The following GGA3 variants were observed in gnomAD, a reference collection of about 807,000 sequenced individuals.
GGA3 encodes the protein ADP-ribosylation factor-binding protein GGA3.
GGA3 carries 57 observed loss-of-function variants against 77.5 expected under a neutral mutation model. That is an observed-to-expected ratio of 0.74 (90% CI 0.59 to 0.92). The LOEUF is 0.92. GGA3 is among the 40% of genes least tolerant of loss of function. The probability of loss-of-function intolerance (pLI) is 0.00; values close to 1 mark genes in which losing one functional copy is unlikely to be tolerated. For synonymous variants in GGA3, 416 were observed against 383.7 expected, an observed-to-expected ratio of 1.08 and a Z score of -0.98; for missense variants, 970 against 914.9, an observed-to-expected ratio of 1.06 and a Z score of -0.78.
rs139958143 is a variant in GGA3 at position 75,240,407 on chromosome 17, C to G, written c.1198G>C (p.Ala400Pro). 246 of 1,590,982 alleles carry G rather than the reference C, an allele frequency of 1.5e-4. No individual in the cohort carries two copies. Among genetic ancestry groups the G allele is most frequent in the Admixed American group, 8.9e-5 (5 of 56,310 alleles). Residue 400 changes from alanine to proline, a missense_variant, in exon 12 of 17, where the codon GCC (alanine) becomes CCC (proline). Coordinates refer to ENST00000537686, the MANE Select transcript of GGA3 (RefSeq NM_138619.4). ...LDEELLCLGL[A>P]DPAPNVPPKE... The stretch of plus-strand genomic sequence containing the variant: ...GGAGGAACATTAGGGGCTGGGTCGG[C>G]GAGGCCTGACAATAGAGAAGAAAAC...
At position 75,246,334 on chromosome 17, in the gene GGA3, A is replaced by G. The variant is rs1033625432; in HGVS notation, c.201+175T>C. 2.6e-5 allele frequency among the ~76,000 whole-genome samples: 4 copies of G among 152,212 alleles called. No homozygotes were observed. In the East Asian group the frequency reaches 7.7e-4, roughly 29 times the overall value. On this transcript the variant is annotated intron_variant, in intron 3 of 16. Transcript: ENST00000537686. ...CCTCTGAGGCCTCAGGGCCTGGCAC[A>G]ATGCACACAGATTTGTGGAACAGCT...
chr17:75,240,325 CGATCCTGTGCCCCTACCTGGAGCAG>C lies in GGA3; in HGVS notation c.1255_1263+16del. The C allele has an allele frequency of 6.4e-7, 1 of 1,551,062 alleles. No homozygotes were observed. Among genetic ancestry groups the C allele is most frequent in the Non-Finnish European group, 8.8e-7 (1 of 1,135,344 alleles). ...GTCCTTGGCACAGTAGTGCTGTCAC[CGATCCTGTGCCCCTACCTGGAGCAG>C]GTGCCACTGGCTGTTCCCAGCTGAC... On this transcript the variant is annotated splice_donor_variant and splice_donor_5th_base_variant and coding_sequence_variant and intron_variant, in exon 12 of 17. Transcript: ENST00000537686. LOFTEE classifies it high-confidence loss of function.
intron 1 of GGA3, among the ~76,000 whole-genome samples, chr17:75,255,696 AAGTT>A (rs1227449058): frequency 1.3e-4 from 20 of 152,192 alleles, no homozygotes; most frequent in Non-Finnish European, 1.3e-4. Flanking sequence ...CAAGCCTTAC[AAGTT>A]AGTTCAGGAT....
At chr17:75,249,829 C>T (rs534782923) in intron 1 of GGA3, among the ~76,000 whole-genome samples, 5 of 152,200 alleles carry the variant, frequency 3.3e-5, no homozygotes, top group African/African-American at 7.2e-5. Flanking sequence ...ATTCACCATA[C>T]GTTATCTTCT....
intron 1 of GGA3, among the ~76,000 whole-genome samples, 160 bp from the exon 2 acceptor site, chr17:75,246,956 A>G (rs1220511054): frequency 2.0e-5 from 3 of 152,218 alleles, no homozygotes; most frequent in Admixed American, 2.0e-4. Context: ...GACAGAAAAA[A>G]AAAAAATTCA....
upstream of GGA3, chr17:75,261,874 C>T (rs1176440264): frequency 6.2e-7 from 1 of 1,604,246 alleles, no homozygotes; most frequent in South Asian, 1.1e-5. Flanking sequence ...GAGGGCAGTC[C>T]TTGTGGGGTC....
At position 75,248,801 on chromosome 17, in the gene GGA3, C is replaced by CAAAAAA. The variant is rs1367261105; in HGVS notation, c.41-2006_41-2005insTTTTTT. 2.9e-5 allele frequency: 22 copies of CAAAAAA among 761,316 alleles called. No individual in the cohort carries two copies. The African/African-American group carries it at 6.7e-4, about 23-fold the overall frequency. The allele number at this position is 761,316 out of a possible 1,614,324, so 47.2% of individuals were successfully genotyped here. On this transcript the variant is annotated intron_variant, in intron 1 of 16. Coordinates refer to ENST00000537686, the MANE Select transcript of GGA3 (RefSeq NM_138619.4). ...ACTCTGTCTAAAAAAAAAACAAAAA[C>CAAAAAA]AAAAACAAAAAAAACAAAACAAAAA...
At chr17:75,251,233 T>G (rs371344952) in intron 1 of GGA3, among the ~76,000 whole-genome samples, 10 of 150,818 alleles carry the variant, frequency 6.6e-5, no homozygotes, top group South Asian at 4.2e-4. Context: ...CCGCAGACAA[T>G]GAAGTAAACA....
chr17:75,244,113 G>A (rs1254632100), intron 4 of GGA3, among the ~76,000 whole-genome samples: 1 of 152,158 alleles, frequency 6.6e-6, no homozygotes, highest in Non-Finnish European at 1.5e-5. Context: ...TCACGCACAA[G>A]TTGCCAGAAA....
chr17:75,243,322 C>T, intron 5 of GGA3, 125 bp downstream of exon 5: 1 of 1,312,474 alleles, frequency 7.6e-7, no homozygotes. Context: ...TCCGACTCAG[C>T]CTTGCCTGGG....
At chr17:75,259,781 G>A (rs1364852129) in intron 1 of GGA3, among the ~76,000 whole-genome samples, 5 of 152,020 alleles carry the variant, frequency 3.3e-5, no homozygotes, top group Admixed American at 6.5e-5. Flanking sequence ...ACATTAAGTC[G>A]TAACAACTGT....
At chr17:75,249,242 C>T (rs906962929) in intron 1 of GGA3, among the ~76,000 whole-genome samples, 23 of 152,122 alleles carry the variant, frequency 1.5e-4, no homozygotes, top group South Asian at 2.1e-4. Context: ...GATGGGGTTT[C>T]GCCATGGTGG....
At chr17:75,260,443 C>T (rs1379361736) in intron 1 of GGA3, among the ~76,000 whole-genome samples, 5 of 152,178 alleles carry the variant, frequency 3.3e-5, no homozygotes, top group Non-Finnish European at 1.5e-5. Flanking sequence ...ATAAAGAAGC[C>T]TTATGACCTG....
intron 1 of GGA3, among the ~76,000 whole-genome samples, chr17:75,251,734 A>C (rs2076973980): frequency 3.6e-5 from 5 of 137,640 alleles, no homozygotes; most frequent in Non-Finnish European, 3.1e-5. Flanking sequence ...AAAAAGCATC[A>C]CTTCTTTTTC....
chr17:75,239,728 T>A, intron 13 of GGA3, 61 bp downstream of exon 13: 3 of 1,580,312 alleles, frequency 1.9e-6, no homozygotes, highest in Non-Finnish European at 2.6e-6. Flanking sequence ...CAAAGTTAGC[T>A]CTGGTTCTGA....
chr17:75,252,784 A>G (rs2145574934), intron 1 of GGA3, among the ~76,000 whole-genome samples: 1 of 152,294 alleles, frequency 6.6e-6, no homozygotes, highest in Non-Finnish European at 1.5e-5. Flanking sequence ...TAACTGATCA[A>G]TGTACTTTGT....
At chr17:75,261,918 G>A, upstream of GGA3, 2 of 1,609,174 alleles carry the variant, frequency 1.2e-6, no homozygotes, top group East Asian at 4.5e-5. Context: ...CCCCCGCAGT[G>A]AAGGTTGCCC....
intron 1 of GGA3, among the ~76,000 whole-genome samples, chr17:75,247,560 C>T (rs1037704645): frequency 1.3e-5 from 2 of 152,180 alleles, no homozygotes; most frequent in South Asian, 2.1e-4. Context: ...CCGCGCCCAG[C>T]GAATATTTTC....
chr17:75,259,778 G>A (rs963360976), intron 1 of GGA3, among the ~76,000 whole-genome samples: 3 of 125,714 alleles, frequency 2.4e-5, no homozygotes, highest in South Asian at 5.4e-4. Flanking sequence ...TTCACATTAA[G>A]TCGTAACAAC....
Sources: gnomAD v4.1 joint callset for allele counts (sites outside exome capture counted in the v4.1 genomes callset) on GRCh38, gnomAD v4.1.1 for gene constraint, MANE v1.5 for transcripts, NCBI Gene and HGNC (gene_info 2026-07-23, HGNC 2026-07-21) for gene names.